The following ERAP1 variants were observed in gnomAD, a reference collection of about 807,000 sequenced individuals.
ERAP1 encodes the protein endoplasmic reticulum aminopeptidase 1.
A neutral mutation model predicts 103.7 loss-of-function variants in ERAP1; 86 were observed. The observed-to-expected ratio is 0.83, with a 90% CI of 0.70 to 0.99. The LOEUF (loss-of-function observed/expected upper bound fraction) is 0.99. Among genes scored for constraint, ERAP1 ranks in the 50% least tolerant of loss-of-function variants. ERAP1 has a pLI of 0.00. For missense variants in ERAP1, 1,009 were observed against 1,128.4 expected, an observed-to-expected ratio of 0.89 and a Z score of 1.52; for synonymous variants, 398 against 402.4, an observed-to-expected ratio of 0.99 and a Z score of 0.13.
the ERAP1 span, among the ~76,000 whole-genome samples, chr5:96,887,073 G>GTGTA: frequency 5.2e-3 from 455 of 87,148 alleles, 5 homozygotes; most frequent in African/African-American, 0.019. Context: ...AATTTTCAAA[G>GTGTA]TATATATATA....
At chr5:96,912,819 A>G in the ERAP1 span, 5 of 1,574,560 alleles carry the variant, frequency 3.2e-6, no homozygotes, top group Non-Finnish European at 4.3e-6. Context: ...TAATTTAACT[A>G]AATTGTTATA....
the ERAP1 span, among the ~76,000 whole-genome samples, chr5:96,854,352 G>A: frequency 0.048 from 7,268 of 152,000 alleles, 216 homozygotes; most frequent in South Asian, 0.11. Context: ...TACTTGAACT[G>A]GTCTGCAGTC....
chr5:96,780,640 A>C (rs1388271729), intron 17 of ERAP1, 136 bp from the exon 18 acceptor site: 2 of 727,476 alleles, frequency 2.7e-6, no homozygotes, highest in African/African-American at 3.5e-5. Context: ...TGTCTATCCA[A>C]TGGGTTAAGA....
the ERAP1 span, among the ~76,000 whole-genome samples, chr5:96,927,786 ATTAT>A: frequency 5.3e-5 from 8 of 152,210 alleles, 1 homozygote; most frequent in South Asian, 8.3e-4. Context: ...TTTTAATTGG[ATTAT>A]TTATCTTTTA....
the ERAP1 span, among the ~76,000 whole-genome samples, chr5:96,876,995 G>T: frequency 1.1e-4 from 17 of 151,978 alleles, no homozygotes; most frequent in Non-Finnish European, 2.4e-4. Context: ...TTTATTTTGA[G>T]AGAGAGCCTC....
intron 1 of ERAP1, chr5:96,804,393 C>G (rs980801029): frequency 3.8e-6 from 1 of 262,278 alleles, no homozygotes; most frequent in African/African-American, 2.3e-5. Context: ...CCCACTGACA[C>G]TGGACCTTGG....
the ERAP1 span, chr5:96,903,571 A>G: frequency 6.3e-7 from 1 of 1,584,642 alleles, no homozygotes; most frequent in Non-Finnish European, 8.6e-7. Flanking sequence ...GTAAGGCAAC[A>G]TTTCCTCTGA....
the ERAP1 span, among the ~76,000 whole-genome samples, chr5:96,930,370 C>T: frequency 2.0e-5 from 3 of 152,148 alleles, no homozygotes; most frequent in Non-Finnish European, 4.4e-5. Flanking sequence ...GTATATGGGA[C>T]CCATGAAGGG....
At chr5:96,890,563 TG>T in the ERAP1 span, among the ~76,000 whole-genome samples, 1 of 152,228 alleles carries the variant, frequency 6.6e-6, no homozygotes, top group Non-Finnish European at 1.5e-5. Flanking sequence ...GATTAGTGCT[TG>T]GGGTTTCTGA....
chr5:96,881,500 G>A, the ERAP1 span: 4 of 455,926 alleles, frequency 8.8e-6, no homozygotes, highest in Non-Finnish European at 1.8e-5. Context: ...GTCTGGCTCA[G>A]TGCACTCTCA....
the ERAP1 span, among the ~76,000 whole-genome samples, chr5:96,882,753 C>T: frequency 2.6e-5 from 4 of 152,074 alleles, no homozygotes; most frequent in African/African-American, 9.7e-5. Flanking sequence ...ACCTTGAGGC[C>T]ACAAGTGAAT....
rs938832892 is a variant in ERAP1 at position 96,793,967 on chromosome 5, G to A, written c.920-10C>T. ...GGAATAGCAGCAAGATCTTGGGAAG[G>A]AAGTAATAAAATACATTACCAGTCT... On this transcript the variant is annotated splice_polypyrimidine_tract_variant and intron_variant, in intron 5 of 18. Coordinates refer to ENST00000443439, the MANE Select transcript of ERAP1 (RefSeq NM_001040458.3). 7 of 1,613,910 alleles carry A rather than the reference G, an allele frequency of 4.3e-6. No homozygotes were observed. Among genetic ancestry groups the A allele is most frequent in the Non-Finnish European group, 5.9e-6 (7 of 1,179,838 alleles).
At chr5:96,918,238 A>G in the ERAP1 span, 2 of 152,480 alleles carry the variant, frequency 1.3e-5, no homozygotes, top group Non-Finnish European at 2.9e-5. Flanking sequence ...ATTTAGCCTC[A>G]AGTGACTTTC....
chr5:96,795,450 A>C (rs1465407117), intron 4 of ERAP1, among the ~76,000 whole-genome samples: 4 of 152,168 alleles, frequency 2.6e-5, no homozygotes, highest in African/African-American at 9.7e-5. Flanking sequence ...TGACAGTTAG[A>C]CCCTCTGATG....
the ERAP1 span, chr5:96,814,455 T>C: frequency 2.8e-6 from 1 of 355,636 alleles, no homozygotes; most frequent in South Asian, 2.3e-5. Context: ...TAGTCTGTGT[T>C]TTTGAGGCAG....
the ERAP1 span, chr5:96,902,371 CA>C: frequency 1.3e-6 from 2 of 1,500,380 alleles, no homozygotes; most frequent in East Asian, 4.5e-5. Flanking sequence ...ACTAATTAGC[CA>C]AACAGGTATT....
chr5:96,797,357 C>T, intron 3 of ERAP1, 48 bp from the exon 4 acceptor site: 1 of 1,588,242 alleles, frequency 6.3e-7, no homozygotes. Context: ...TTATCCAATA[C>T]AGTGAACATG....
chr5:96,901,782 G>A, the ERAP1 span: 1 of 1,201,752 alleles, frequency 8.3e-7, no homozygotes, highest in South Asian at 1.5e-5. Context: ...TAGGATGCTA[G>A]TTCCATATAA....
chr5:96,901,444 T>C, the ERAP1 span: 2 of 1,541,390 alleles, frequency 1.3e-6, no homozygotes, highest in Non-Finnish European at 1.8e-6. Flanking sequence ...TGGAAGTTTC[T>C]GTCCCTCTGT....
Sources: gnomAD v4.1 joint callset for allele counts (sites outside exome capture counted in the v4.1 genomes callset) on GRCh38, gnomAD v4.1.1 for gene constraint, MANE v1.5 for transcripts, NCBI Gene and HGNC (gene_info 2026-07-23, HGNC 2026-07-21) for gene names.